The following CALD1 variants were observed in gnomAD, a reference collection of about 807,000 sequenced individuals.
The protein encoded by CALD1 is caldesmon.
CALD1 carries 33 observed loss-of-function variants against 99.9 expected under a neutral mutation model. The ratio of observed to expected loss-of-function variants is 0.33; its 90% CI spans 0.25 to 0.44. The LOEUF is 0.44. Among genes scored for constraint, CALD1 ranks in the 20% least tolerant of loss-of-function variants. CALD1 has a pLI of 1.00. For synonymous variants in CALD1, 310 were observed against 325.0 expected (o/e 0.95, Z 0.50); for missense variants, 861 against 962.1 (o/e 0.89, Z 1.39).
chr7:134,831,990 G>A (rs1055360402), intron 1 of CALD1, among the ~76,000 whole-genome samples: 1 of 152,182 alleles, frequency 6.6e-6, no homozygotes, highest in African/African-American at 2.4e-5. Flanking sequence ...CGAGTGTCCC[G>A]TATAACCGTG....
At chr7:134,784,037 G>C (rs576371637) in intron 1 of CALD1, among the ~76,000 whole-genome samples, 8 of 152,344 alleles carry the variant, frequency 5.3e-5, no homozygotes, top group African/African-American at 1.9e-4. Context: ...CTAAGCAGCA[G>C]TAAGGGAATA....
chr7:134,891,584 T>C, intron 3 of CALD1: 2 of 1,594,464 alleles, frequency 1.3e-6, no homozygotes, highest in Non-Finnish European at 8.5e-7. Flanking sequence ...CAGGTCTCCG[T>C]ATCTCTCTGC....
chr7:134,777,339 C>T (rs1228103581), upstream of CALD1, among the ~76,000 whole-genome samples: 1 of 152,146 alleles, frequency 6.6e-6, no homozygotes, highest in East Asian at 1.9e-4. Flanking sequence ...CACTCATCTA[C>T]TATACCCTAT....
intron 1 of CALD1, among the ~76,000 whole-genome samples, chr7:134,791,701 CT>C (rs1332586620): frequency 4.6e-5 from 7 of 152,136 alleles, no homozygotes; most frequent in Admixed American, 3.3e-4. Flanking sequence ...TGTAAATAGT[CT>C]GGTCATCTTC....
intron 11 of CALD1, among the ~76,000 whole-genome samples, chr7:134,959,525 T>C (rs1460767355): frequency 1.3e-5 from 2 of 152,020 alleles, no homozygotes; most frequent in African/African-American, 2.4e-5. Flanking sequence ...CATTTTTTTC[T>C]CTACAAAATA....
chr7:134,960,789 T>G, intron 13 of CALD1, 161 bp downstream of exon 13: 2 of 572,274 alleles, frequency 3.5e-6, no homozygotes, highest in South Asian at 4.4e-5. Flanking sequence ...ACAACAGTTC[T>G]AAGAAGCTGC....
intron 3 of CALD1, 92 bp downstream of exon 3, chr7:134,867,896 G>A: frequency 1.5e-6 from 1 of 652,740 alleles, no homozygotes; most frequent in Admixed American, 3.1e-5. Context: ...GCCAAATGTG[G>A]TCATATCGCA....
chr7:134,798,092 G>T (rs1227359016), intron 1 of CALD1, among the ~76,000 whole-genome samples: 1 of 152,118 alleles, frequency 6.6e-6, no homozygotes, highest in African/African-American at 2.4e-5. Flanking sequence ...CCTTTATTTG[G>T]ATTGTTTTAG....
chr7:134,823,773 C>T (rs1798876784), intron 1 of CALD1, among the ~76,000 whole-genome samples: 1 of 152,186 alleles, frequency 6.6e-6, no homozygotes, highest in African/African-American at 2.4e-5. Flanking sequence ...ATTTCTCAAA[C>T]ATACAATTCA....
At chr7:134,914,886 A>G (rs1487528686) in intron 3 of CALD1, among the ~76,000 whole-genome samples, 1 of 152,114 alleles carries the variant, frequency 6.6e-6, no homozygotes, top group Non-Finnish European at 1.5e-5. Context: ...ACCACATTCT[A>G]CCTATTATCA....
intron 3 of CALD1, among the ~76,000 whole-genome samples, chr7:134,907,651 T>G (rs960474156): frequency 2.0e-5 from 3 of 152,208 alleles, no homozygotes; most frequent in African/African-American, 7.2e-5. Flanking sequence ...GGATTGTGTT[T>G]TTTTGGTTTG....
At chr7:134,840,000 T>A (rs934898634) in intron 1 of CALD1, among the ~76,000 whole-genome samples, 1 of 152,256 alleles carries the variant, frequency 6.6e-6, no homozygotes, top group Non-Finnish European at 1.5e-5. Context: ...AAGTTCTTTG[T>A]CATCCATATT....
In CALD1 at chr7:134,894,175, C is replaced by T. The variant is rs190607663; in HGVS notation, c.71+26371C>T. Among the ~76,000 whole-genome samples, 596 of 152,232 alleles carry T rather than the reference C, an allele frequency of 3.9e-3. 2 individuals carry two copies. Among genetic ancestry groups the T allele is most frequent in the Non-Finnish European group, 6.8e-3 (461 of 68,008 alleles). On this transcript the variant is annotated intron_variant, in intron 3 of 14. Transcript: ENST00000361675. ...GGGGGAGGCTTGTGTAGCTTTTCAC[C>T]TTGTAGCCATCTTATTTAGGAACTA...
chr7:134,813,742 T>C (rs1270284623), intron 1 of CALD1, among the ~76,000 whole-genome samples: 1 of 152,224 alleles, frequency 6.6e-6, no homozygotes, highest in Non-Finnish European at 1.5e-5. Flanking sequence ...CAGGTAGCAC[T>C]AAGGACCCAG....
intron 1 of CALD1, among the ~76,000 whole-genome samples, chr7:134,767,133 C>A (rs1001686185): frequency 6.6e-6 from 1 of 151,958 alleles, no homozygotes; most frequent in African/African-American, 2.4e-5. Context: ...GGGACCAGAC[C>A]GCGAAGCTGC....
At chr7:134,721,600 G>T in the CALD1 span, among the ~76,000 whole-genome samples, 1 of 151,912 alleles carries the variant, frequency 6.6e-6, no homozygotes, top group African/African-American at 2.4e-5. Context: ...TAGGGGAGGT[G>T]GGGGGGTGAA....
rs146146013 is a variant in CALD1, at chr7:134,764,271, G to T, written c.-130+19908G>T. The stretch of plus-strand genomic sequence containing the variant: ...GCACCAACTTGCATTCTCAGATTTG[G>T]TTCTGGGTTTGTGTACAAGTTGAAT... On this transcript the variant is annotated intron_variant, in intron 1 of 13. Coordinates refer to the CALD1 transcript ENST00000417172. Among the ~76,000 whole-genome samples the T allele has an allele frequency of 1.1e-3, 160 of 152,232 alleles. 1 individual carries two copies. Among genetic ancestry groups the T allele is most frequent in the African/African-American group, 3.6e-3 (149 of 41,548 alleles).
chr7:134,865,698 C>T (rs1267292406), intron 2 of CALD1, among the ~76,000 whole-genome samples: 1 of 152,192 alleles, frequency 6.6e-6, no homozygotes, highest in African/African-American at 2.4e-5. Context: ...TTTCACTTCC[C>T]TTTTAAGTAT....
At position 134,933,724 on chromosome 7, in the gene CALD1, G is replaced by A; in HGVS notation, c.955G>A (p.Glu319Lys). The A allele has an allele frequency of 6.5e-7, 1 of 1,538,112 alleles. No individual in the cohort carries two copies. The highest frequency in any genetic ancestry group is 2.0e-5 in the Admixed American group (1 of 51,242). ...REAEERERMREEEKRAAEERQ... is the reference protein window; with the variant it reads ...REAEERERMRKEEKRAAEERQ... ...GGCAGAAGAGAGGGAAAGGATGAGG[G>A]AGGAAGAGAAAAGGGCAGCAGAGGA... is the stretch of plus-strand genomic sequence containing the variant. The change falls in exon 5 of 15, where the codon GAG (glutamate) becomes AAG (lysine). Residue 319 changes from glutamate to lysine, a missense_variant. Transcript: ENST00000361675.
Sources: allele counts gnomAD v4.1 joint callset (sites outside exome capture counted in the v4.1 genomes callset), GRCh38; gene constraint gnomAD v4.1.1; transcripts MANE v1.5; gene names NCBI Gene and HGNC (gene_info 2026-07-23, HGNC 2026-07-21).